The following SCAPER variants were observed in gnomAD, a reference collection of about 807,000 sequenced individuals.
The protein encoded by SCAPER is S-phase cyclin A associated protein in the ER.
Under a neutral mutation model 182.2 loss-of-function variants are expected in SCAPER, and 98 were observed. That is an observed-to-expected ratio of 0.54 (90% CI 0.46 to 0.64). The LOEUF is 0.64. SCAPER is among the 30% of genes least tolerant of loss of function. The probability of loss-of-function intolerance (pLI) is 0.00; values close to 1 mark genes in which losing one functional copy is unlikely to be tolerated. For synonymous variants in SCAPER, 605 were observed against 564.6 expected (o/e 1.07, Z -1.01); for missense variants, 1,432 against 1,690.0 (o/e 0.85, Z 2.68).
intron 3 of SCAPER, among the ~76,000 whole-genome samples, chr15:76,858,533 A>G (rs185328177): frequency 6.5e-4 from 99 of 152,110 alleles, no homozygotes; most frequent in African/African-American, 2.2e-3. Flanking sequence ...TACGTTTCAC[A>G]GGGGTTTGGT....
At chr15:76,746,330 C>T (rs575464730) in intron 15 of SCAPER, among the ~76,000 whole-genome samples, 1 of 152,296 alleles carries the variant, frequency 6.6e-6, no homozygotes, top group East Asian at 1.9e-4. Flanking sequence ...ATTCAATCAC[C>T]TATTGATTAA....
chr15:76,524,214 A>C lies in SCAPER; in HGVS notation c.2839-19240T>G, dbSNP rs11856757. Among the ~76,000 whole-genome samples, 1,233 of 152,276 alleles carry C rather than the reference A, an allele frequency of 8.1e-3. 13 individuals carry two copies. The highest frequency in any genetic ancestry group is 0.028 in the African/African-American group (1,169 of 41,572). ...AAACAAAAATTCAGATATATGAACCAGCCATGCACGCAACATTTCTATGCT... is the reference window on the plus strand; with the variant it reads ...AAACAAAAATTCAGATATATGAACCCGCCATGCACGCAACATTTCTATGCT... On this transcript the variant is annotated intron_variant, in intron 23 of 31. Transcript: ENST00000563290.
intron 5 of SCAPER, among the ~76,000 whole-genome samples, chr15:76,816,670 T>C (rs1598894051): frequency 7.1e-6 from 1 of 141,198 alleles, no homozygotes; most frequent in South Asian, 2.3e-4. Flanking sequence ...TTTTTTTTTT[T>C]GAGATGGAGT....
chr15:76,363,652 C>G (rs570479184), intron 29 of SCAPER, among the ~76,000 whole-genome samples: 3 of 152,146 alleles, frequency 2.0e-5, no homozygotes, highest in Non-Finnish European at 4.4e-5. Context: ...TTACTTTTTC[C>G]CTTGTCAGAG....
At chr15:76,664,631 TAGAC>T (rs967327333) in intron 21 of SCAPER, among the ~76,000 whole-genome samples, 14 of 152,148 alleles carry the variant, frequency 9.2e-5, no homozygotes, top group African/African-American at 3.4e-4. Context: ...ACATTAAAAA[TAGAC>T]AGGTTCAAAA....
intron 22 of SCAPER, among the ~76,000 whole-genome samples, chr15:76,609,974 AAGGTT>A (rs1219834175): frequency 1.3e-5 from 2 of 152,120 alleles, no homozygotes; most frequent in African/African-American, 4.8e-5. Context: ...AAAACCCCAG[AAGGTT>A]AGGCTCTGGT....
chr15:76,900,830 A>C (rs535899071), intron 1 of SCAPER, among the ~76,000 whole-genome samples: 2 of 152,234 alleles, frequency 1.3e-5, no homozygotes, highest in African/African-American at 4.8e-5. Flanking sequence ...TGAAGCCAGA[A>C]TAGTACATCT....
chr15:76,605,138 C>T (rs543551630), intron 22 of SCAPER, among the ~76,000 whole-genome samples: 12 of 152,058 alleles, frequency 7.9e-5, no homozygotes, highest in Non-Finnish European at 1.2e-4. Flanking sequence ...TTGCTCATTC[C>T]GTATGATATT....
Position 76,875,418 on chromosome 15 carries a change from C to T in SCAPER, c.6+8394G>A, listed in dbSNP as rs187589895. On this transcript the variant is annotated intron_variant, in intron 2 of 31. Coordinates refer to ENST00000563290, the MANE Select transcript of SCAPER (RefSeq NM_020843.4). ...AAAAACTTTGGCAGGCCAAAGTAGGCGGATCACTTGAGGTCAGGAGTTCAA... is the reference window on the plus strand; with the variant it reads ...AAAAACTTTGGCAGGCCAAAGTAGGTGGATCACTTGAGGTCAGGAGTTCAA... 3.2e-3 allele frequency among the ~76,000 whole-genome samples: 494 copies of T among 152,162 alleles called. 5 individuals carry two copies. Among genetic ancestry groups the T allele is most frequent in the African/African-American group, 0.011 (465 of 41,532 alleles).
intron 2 of SCAPER, among the ~76,000 whole-genome samples, chr15:76,871,321 A>G (rs577422080): frequency 6.7e-6 from 1 of 148,434 alleles, no homozygotes; most frequent in South Asian, 2.2e-4. Context: ...AGGCAGGAAA[A>G]TTGGTTGAAC....
At chr15:76,541,927 A>T (rs1374652279) in intron 23 of SCAPER, among the ~76,000 whole-genome samples, 2 of 152,216 alleles carry the variant, frequency 1.3e-5, no homozygotes, top group Non-Finnish European at 2.9e-5. Context: ...TTGATTTGAA[A>T]ACAATTTTTG....
At chr15:76,621,036 C>A (rs977620835) in intron 22 of SCAPER, among the ~76,000 whole-genome samples, 2 of 152,134 alleles carry the variant, frequency 1.3e-5, no homozygotes, top group African/African-American at 2.4e-5. Flanking sequence ...AAAGAGTCAT[C>A]TATGTATATA....
chr15:76,715,230 C>G (rs981931556), intron 17 of SCAPER, among the ~76,000 whole-genome samples: 27 of 151,874 alleles, frequency 1.8e-4, no homozygotes, highest in Middle Eastern at 3.4e-3. Flanking sequence ...TCCAGGAGCT[C>G]TGAGCCTCTG....
At chr15:76,723,385 T>A (rs1450015043) in intron 17 of SCAPER, among the ~76,000 whole-genome samples, 2 of 152,174 alleles carry the variant, frequency 1.3e-5, no homozygotes, top group African/African-American at 2.4e-5. Context: ...TGGTGTGGTG[T>A]GCTGAAAAGA....
Position 76,665,749 on chromosome 15 carries a change from A to G in SCAPER, c.2549T>C (p.Val850Ala). 1.9e-6 allele frequency: 3 copies of G among 1,549,322 alleles called. No homozygotes were observed. Among genetic ancestry groups the G allele is most frequent in the Non-Finnish European group, 1.7e-6 (2 of 1,147,180 alleles). ...SLKKYIIDIV[V>A]ESTAPAEALK... is the part of the protein sequence containing the mutation. ...AGCTTCTGCTGGAGCTGTACTTTCA[A>G]CCACAATGTCAATAATGTACTTCTT... The change falls in exon 21 of 32, where the codon GTT becomes GCT. Residue 850 changes from valine (V) to alanine (A), a missense_variant. Val to Ala is a moderately conservative substitution (Grantham distance 64, BLOSUM62 0). Coordinates refer to ENST00000563290, the MANE Select transcript of SCAPER (RefSeq NM_020843.4).
intron 1 of SCAPER, among the ~76,000 whole-genome samples, chr15:76,895,513 A>AC (rs902285845): frequency 3.6e-4 from 55 of 151,460 alleles, no homozygotes; most frequent in African/African-American, 1.3e-3. Flanking sequence ...ACTAAGAAAA[A>AC]AAATAATAAA....
intron 23 of SCAPER, among the ~76,000 whole-genome samples, chr15:76,532,482 G>A (rs567804031): frequency 2.4e-4 from 36 of 152,108 alleles, no homozygotes; most frequent in African/African-American, 3.6e-4. Flanking sequence ...GATTACAGGC[G>A]TGAACCACCA....
At chr15:76,668,764 T>C (rs1313697477) in intron 20 of SCAPER, among the ~76,000 whole-genome samples, 3 of 152,216 alleles carry the variant, frequency 2.0e-5, no homozygotes, top group Non-Finnish European at 4.4e-5. Context: ...CTGATGTTTC[T>C]ATGCCTAGAA....
intron 25 of SCAPER, among the ~76,000 whole-genome samples, chr15:76,453,822 C>G (rs2048537447): frequency 6.6e-6 from 1 of 152,166 alleles, no homozygotes; most frequent in African/African-American, 2.4e-5. Flanking sequence ...AAAATAAATA[C>G]TTCTCTCTCA....
Sources: gnomAD v4.1 joint callset for allele counts (sites outside exome capture counted in the v4.1 genomes callset) on GRCh38, gnomAD v4.1.1 for gene constraint, MANE v1.5 for transcripts, NCBI Gene and HGNC (gene_info 2026-07-23, HGNC 2026-07-21) for gene names.